The following LRRC37A2 variants were observed in gnomAD, a reference collection of about 807,000 sequenced individuals.
LRRC37A2 encodes the protein leucine-rich repeat-containing protein 37A2.
A neutral mutation model predicts 68.8 loss-of-function variants in LRRC37A2; 9 were observed. The observed-to-expected ratio is 0.13, with a 90% CI of 0.08 to 0.23. The LOEUF (loss-of-function observed/expected upper bound fraction) is 0.23. Among genes scored for constraint, LRRC37A2 ranks in the 10% least tolerant of loss-of-function variants. LRRC37A2 has a pLI of 1.00. For synonymous variants in LRRC37A2, 63 were observed against 367.6 expected, an observed-to-expected ratio of 0.17 and a Z score of 9.48; for missense variants, 168 against 950.4, an observed-to-expected ratio of 0.18 and a Z score of 10.82.
the LRRC37A2 span, chr17:46,932,699 C>T: frequency 4.7e-6 from 1 of 214,840 alleles, no homozygotes; most frequent in Non-Finnish European, 9.4e-6. Flanking sequence ...GTTAGATGGA[C>T]TGCTTGCCTG....
chr17:46,842,045 C>T, the LRRC37A2 span, among the ~76,000 whole-genome samples: 1 of 152,184 alleles, frequency 6.6e-6, no homozygotes, highest in Non-Finnish European at 1.5e-5. Flanking sequence ...CCTGGGCTGG[C>T]CTGGGGACCC....
the LRRC37A2 span, among the ~76,000 whole-genome samples, chr17:46,779,965 G>A: frequency 2.0e-5 from 3 of 152,134 alleles, no homozygotes; most frequent in Non-Finnish European, 4.4e-5. Context: ...CGCAATATTG[G>A]CCAGGCTGGT....
the LRRC37A2 span, among the ~76,000 whole-genome samples, chr17:46,690,374 G>A: frequency 4.1e-5 from 1 of 24,582 alleles, no homozygotes; most frequent in African/African-American, 2.1e-4. Context: ...GGAGGGCAAG[G>A]CAGGCGGATC....
the LRRC37A2 span, chr17:46,966,661 T>A: frequency 3.5e-6 from 2 of 574,154 alleles, no homozygotes; most frequent in Non-Finnish European, 6.3e-6. Flanking sequence ...AAATACCTTT[T>A]GAACTCAGGC....
chr17:46,935,026 C>T, the LRRC37A2 span: 2 of 1,612,274 alleles, frequency 1.2e-6, no homozygotes, highest in East Asian at 2.2e-5. Context: ...GTTTCTTTCA[C>T]AGGACTCTGA....
the LRRC37A2 span, chr17:46,939,163 AG>A: frequency 9.0e-7 from 1 of 1,106,954 alleles, no homozygotes; most frequent in Non-Finnish European, 1.1e-6. Flanking sequence ...GGCTCCTGAT[AG>A]GGTGGAGCAA....
At chr17:46,765,707 G>T in the LRRC37A2 span, among the ~76,000 whole-genome samples, 1 of 152,248 alleles carries the variant, frequency 6.6e-6, no homozygotes, top group Non-Finnish European at 1.5e-5. Flanking sequence ...GCTCTCGCCT[G>T]GGGAGGTGGC....
At chr17:46,773,616 T>TGGGGGGGGGGGGGGGGGGGGGGG in the LRRC37A2 span, 2 of 997,790 alleles carry the variant, frequency 2.0e-6, no homozygotes. Flanking sequence ...CATACAGTCC[T>TGGGGGGGGGGGGGGGGGGGGGGG]GATCCCTCCC....
chr17:46,827,928 G>A, the LRRC37A2 span, among the ~76,000 whole-genome samples: 1 of 151,518 alleles, frequency 6.6e-6, no homozygotes, highest in Admixed American at 6.6e-5. Flanking sequence ...CCCTGCCTCA[G>A]CCTCCCAAGT....
the LRRC37A2 span, among the ~76,000 whole-genome samples, chr17:46,777,125 G>C: frequency 6.6e-6 from 1 of 152,172 alleles, no homozygotes; most frequent in Non-Finnish European, 1.5e-5. Context: ...CAGGAGAATC[G>C]CTTGAACCTG....
chr17:46,533,453 A>C, intron 6 of LRRC37A2, among the ~76,000 whole-genome samples: 1 of 138,162 alleles, frequency 7.2e-6, no homozygotes, highest in Non-Finnish European at 1.5e-5. Context: ...CCTTATGTTC[A>C]TCAACTAGAT....
At chr17:46,779,512 G>A in the LRRC37A2 span, among the ~76,000 whole-genome samples, 1 of 152,194 alleles carries the variant, frequency 6.6e-6, no homozygotes, top group African/African-American at 2.4e-5. Context: ...GCCCAGCTGG[G>A]CCGAGGACAC....
chr17:46,863,385 G>A, the LRRC37A2 span, among the ~76,000 whole-genome samples: 3 of 152,212 alleles, frequency 2.0e-5, no homozygotes, highest in South Asian at 2.1e-4. Flanking sequence ...CATCTGGACT[G>A]GGAAAGAATG....
chr17:46,940,721 G>GGTT, the LRRC37A2 span: 29 of 1,597,882 alleles, frequency 1.8e-5, no homozygotes, highest in Non-Finnish European at 2.0e-5. Context: ...ACTTGACAGT[G>GGTT]GTTGGCTTTG....
At chr17:47,044,751 C>G in the LRRC37A2 span, among the ~76,000 whole-genome samples, 1 of 150,818 alleles carries the variant, frequency 6.6e-6, no homozygotes, top group African/African-American at 2.4e-5. Flanking sequence ...TGGGCTCAAG[C>G]CTGTAATCCC....
chr17:46,496,497 G>T, the LRRC37A2 span, among the ~76,000 whole-genome samples: 2 of 146,198 alleles, frequency 1.4e-5, no homozygotes, highest in Non-Finnish European at 3.0e-5. Flanking sequence ...CAGCTACTCA[G>T]AAGGTTAAGT....
At chr17:46,417,040 G>A in the LRRC37A2 span, among the ~76,000 whole-genome samples, 4 of 150,124 alleles carry the variant, frequency 2.7e-5, no homozygotes, top group East Asian at 1.9e-4. Flanking sequence ...GGAGGTTGCG[G>A]TGAGTTGAGA....
chr17:46,734,547 G>C, the LRRC37A2 span, among the ~76,000 whole-genome samples: 1 of 151,846 alleles, frequency 6.6e-6, no homozygotes, highest in Non-Finnish European at 1.5e-5. Context: ...ACATGTGTGT[G>C]TGTATATATA....
the LRRC37A2 span, among the ~76,000 whole-genome samples, chr17:46,812,337 C>T: frequency 0.57 from 85,953 of 151,400 alleles, 24,615 homozygotes; most frequent in Middle Eastern, 0.65. Flanking sequence ...CACCCCCCTA[C>T]CCCCGCCCCA....
Sources: allele counts gnomAD v4.1 joint callset (sites outside exome capture counted in the v4.1 genomes callset), GRCh38; gene constraint gnomAD v4.1.1; transcripts MANE v1.5; gene names NCBI Gene and HGNC (gene_info 2026-07-23, HGNC 2026-07-21).